SPTAN1: variants seen among roughly 807,000 people sequenced by gnomAD.
The protein encoded by SPTAN1 is spectrin alpha, non-erythrocytic 1.
In SPTAN1, 61 loss-of-function variants were observed where a neutral mutation model predicts 331.3. The observed-to-expected ratio is 0.18, with a 90% CI of 0.15 to 0.23. The LOEUF is 0.23. Among genes scored for constraint, SPTAN1 ranks in the 10% least tolerant of loss-of-function variants. The probability of loss-of-function intolerance (pLI) is 1.00; values close to 1 mark genes in which losing one functional copy is unlikely to be tolerated. For synonymous variants in SPTAN1, 1,153 were observed against 1,173.9 expected, an observed-to-expected ratio of 0.98 and a Z score of 0.36; for missense variants, 2,043 against 3,147.9, an observed-to-expected ratio of 0.65 and a Z score of 8.40.
rs1851087243 is a variant in SPTAN1 at position 128,574,566 on chromosome 9, T to C, written c.364-109T>C. 8 of 1,285,796 alleles carry C rather than the reference T, an allele frequency of 6.2e-6. 1 individual carries two copies. The East Asian group carries it at 1.7e-4, about 27-fold the overall frequency. The allele number at this position is 1,285,796 out of a possible 1,614,324, so 79.6% of individuals were successfully genotyped here. A position where few individuals can be genotyped will look rare whatever the true frequency, so the allele number is the denominator to read the frequency against. ...GTTTAGGGATTATCTTTTAAAAATA[T>C]TTTTATTCAGCGCTCCATAAGGTCT... On this transcript the variant is annotated intron_variant, in intron 3 of 56. Coordinates refer to ENST00000372739, the MANE Select transcript of SPTAN1 (RefSeq NM_001130438.3).
intron 44 of SPTAN1, among the ~76,000 whole-genome samples, chr9:128,619,725 G>C (rs1348191097): frequency 6.6e-6 from 1 of 152,220 alleles, no homozygotes; most frequent in Non-Finnish European, 1.5e-5. Context: ...CCAGAAGTTA[G>C]GACTTCACCA....
chr9:128,586,082 T>A, intron 19 of SPTAN1, 117 bp downstream of exon 19: 7 of 861,288 alleles, frequency 8.1e-6, no homozygotes, highest in Non-Finnish European at 1.1e-5. Flanking sequence ...GATTGTTTTT[T>A]AAAATGTTTT....
chr9:128,580,819 A>G (rs1851850908), intron 10 of SPTAN1, 103 bp from the exon 11 acceptor site: 1 of 1,551,900 alleles, frequency 6.4e-7, no homozygotes, highest in African/African-American at 1.4e-5. Flanking sequence ...AAAAGGCCTG[A>G]AGATTAGCAC....
intron 41 of SPTAN1, among the ~76,000 whole-genome samples, chr9:128,616,507 C>G (rs983932513): frequency 2.0e-5 from 3 of 151,338 alleles, no homozygotes; most frequent in African/African-American, 7.3e-5. Flanking sequence ...TGGCTCACGC[C>G]TGTGATCACA....
At chr9:128,560,201 A>G (rs1009428409) in intron 1 of SPTAN1, among the ~76,000 whole-genome samples, 1 of 149,822 alleles carries the variant, frequency 6.7e-6, no homozygotes, top group South Asian at 2.1e-4. Flanking sequence ...CTCCTGCCTC[A>G]GCCTCCCAAG....
chr9:128,595,131 A>G (rs898338983), intron 24 of SPTAN1, among the ~76,000 whole-genome samples: 5 of 151,302 alleles, frequency 3.3e-5, no homozygotes, highest in African/African-American at 4.9e-5. Context: ...TTTGTTCAAG[A>G]CAGAGTCTCA....
Position 128,625,599 on chromosome 9 carries a change from C to T in SPTAN1, c.6070-170C>T, listed in dbSNP as rs141135038. Reference sequence around the variant, plus strand: ...GGGAGGAGGCTGCCGCAGTGATCTGCGGTCTGAAGGAGAGCAGGAAAGGGG... The same window carrying T: ...GGGAGGAGGCTGCCGCAGTGATCTGTGGTCTGAAGGAGAGCAGGAAAGGGG... On this transcript the variant is annotated intron_variant, in intron 47 of 56. Coordinates refer to ENST00000372739, the MANE Select transcript of SPTAN1 (RefSeq NM_001130438.3). The surrounding 1 kb of genome is among the most constrained non-coding windows in gnomAD (Gnocchi z 4.1). Among the ~76,000 whole-genome samples the T allele has an allele frequency of 2.7e-3, 410 of 152,138 alleles. 9 individuals carry two copies. In the East Asian group the frequency reaches 0.04, roughly 15 times the overall value.
Position 128,633,359 on chromosome 9 carries a change from T to C in SPTAN1, c.*25T>C, listed in dbSNP as rs1167457875. The C allele has an allele frequency of 3.7e-6, 6 of 1,613,398 alleles. No individual in the cohort carries two copies. The African/African-American group carries it at 8.0e-5, about 22-fold the overall frequency. ...AGCCACTCCCTGGGTCACCCACCCCTCGCTGCTTGCCCTGCGTCGCCTTGC... is the reference window on the plus strand; with the variant it reads ...AGCCACTCCCTGGGTCACCCACCCCCCGCTGCTTGCCCTGCGTCGCCTTGC... On this transcript the variant is annotated 3_prime_UTR_variant, in exon 57 of 57. Transcript: ENST00000372739.
At chr9:128,594,804 C>CTTTTTTTTTTTTTTTTTTTATT (rs10594067) in intron 24 of SPTAN1, among the ~76,000 whole-genome samples, 5 of 90,562 alleles carry the variant, frequency 5.5e-5, no homozygotes, top group African/African-American at 1.2e-4. Flanking sequence ...ATGTATGTAG[C>CTTTTTTTTTTTTTTTTTTTATT]TTTTTTTTTT....
At chr9:128,630,070 A>G (rs570634710) in intron 51 of SPTAN1, 3 of 668,106 alleles carry the variant, frequency 4.5e-6, no homozygotes, top group Non-Finnish European at 8.3e-6. Flanking sequence ...TGGCCTTGGG[A>G]GCAAGACGAG....
rs1482811658 is a variant in SPTAN1 at position 128,629,637 on chromosome 9, G to A, written c.6708-684G>A. Reference sequence around the variant, plus strand: ...GGTAGCCTCTGTGACCTGGCACTGTGTTCTCTTGGGAAGGAGGCTCCCCAG... The same window carrying A: ...GGTAGCCTCTGTGACCTGGCACTGTATTCTCTTGGGAAGGAGGCTCCCCAG... On this transcript the variant is annotated intron_variant, in intron 51 of 56. Coordinates refer to ENST00000372739, the MANE Select transcript of SPTAN1 (RefSeq NM_001130438.3). The surrounding 1 kb of genome is among the most constrained non-coding windows in gnomAD (Gnocchi z 4.9). The A allele has an allele frequency of 5.9e-6, 1 of 168,982 alleles. No individual in the cohort carries two copies. Among genetic ancestry groups the A allele is most frequent in the Non-Finnish European group, 1.3e-5 (1 of 77,686 alleles). 10.5% of individuals were successfully genotyped at this position (168,982 alleles called of 1,614,324 possible).
At chr9:128,564,677 G>C (rs1327023557) in intron 1 of SPTAN1, among the ~76,000 whole-genome samples, 1 of 152,180 alleles carries the variant, frequency 6.6e-6, no homozygotes, top group African/African-American at 2.4e-5. Context: ...CAAATCTATA[G>C]AGAAGTGTGA....
In SPTAN1 at chr9:128,605,344, G is replaced by A. The variant is rs779682224; in HGVS notation, c.3913G>A (p.Glu1305Lys). ...TAERLIQSHP[E>K]SAEDLQEKCT... ...AGAGCGCCTGATCCAGTCCCATCCC[G>A]AGTCAGCAGAAGACCTGCAGGAAAA... Residue 1305 changes from glutamate to lysine, a missense_variant, in exon 31 of 57, where the codon GAG becomes AAG. By Grantham distance (56) the Glu-to-Lys change is moderately conservative. Transcript: ENST00000372739. The A allele has an allele frequency of 6.2e-7, 1 of 1,614,200 alleles. No homozygotes were observed. Among genetic ancestry groups the A allele is most frequent in the Non-Finnish European group, 8.5e-7 (1 of 1,180,044 alleles).
At chr9:128,599,804 G>C in intron 26 of SPTAN1, 1 of 492,916 alleles carries the variant, frequency 2.0e-6, no homozygotes, top group Non-Finnish European at 3.6e-6. Context: ...CAACATAAAA[G>C]TTGGTGGTTT....
At position 128,632,145 on chromosome 9, in the gene SPTAN1, C is replaced by G; in HGVS notation, c.6781C>G (p.Arg2261Gly). Residue 2261 changes from arginine to glycine, a missense_variant, in exon 53 of 57, where the codon CGA becomes GGA. By Grantham distance (125) the Arg-to-Gly change is moderately radical. Transcript: ENST00000372739. ...CCTGCAGCGCAAGCACCAGGAAATC[C>G]GAGCCATGAGAAGTCAGCTCAAAAA... ...EATKRKHQEI[R>G]AMRSQLKKIE... is the part of the protein sequence containing the mutation. 2 of 1,613,130 alleles carry G rather than the reference C, an allele frequency of 1.2e-6. No individual in the cohort carries two copies. Among genetic ancestry groups the G allele is most frequent in the Non-Finnish European group, 1.7e-6 (2 of 1,179,988 alleles).
In SPTAN1 at chr9:128,582,640, G is replaced by T. The variant is rs187383340; in HGVS notation, c.1651-54G>T. ...TGTTCCAGTTAAGTCTCTTCAACTG[G>T]ATATCCCTTTGGGAGTGAACACTAG... On this transcript the variant is annotated intron_variant, in intron 13 of 56. Transcript: ENST00000372739. The T allele has an allele frequency of 4.6e-5, 74 of 1,611,072 alleles. No homozygotes were observed. The African/African-American group carries it at 9.1e-4, about 20-fold the overall frequency.
At position 128,632,217 on chromosome 9, in the gene SPTAN1, A is replaced by C. The variant is rs1284260076; in HGVS notation, c.6853A>C (p.Asn2285His). Residue 2285 changes from asparagine (N) to histidine (H), a missense_variant, in exon 53 of 57, where the codon AAC becomes CAC. Physicochemically the swap from Asn to His is moderately conservative, Grantham distance 68. Coordinates refer to ENST00000372739, the MANE Select transcript of SPTAN1 (RefSeq NM_001130438.3). Reference protein sequence around the residue: ...AAMEEALILDNKYTEHSTVGL... With the variant: ...AAMEEALILDHKYTEHSTVGL... ...CATGGAGGAGGCCCTCATCCTGGAC[A>C]ACAAGTACACGGAGCACAGCACCGT... The C allele has an allele frequency of 6.2e-7, 1 of 1,613,436 alleles. No homozygotes were observed. The highest frequency in any genetic ancestry group is 1.7e-5 in the Admixed American group (1 of 60,000).
rs1225867694 is a variant in SPTAN1 at position 128,625,722 on chromosome 9, C to G, written c.6070-47C>G. The G allele has an allele frequency of 1.3e-6, 2 of 1,583,942 alleles. No homozygotes were observed. The highest frequency in any genetic ancestry group is 2.2e-5 in the East Asian group (1 of 44,738). On this transcript the variant is annotated intron_variant, in intron 47 of 56. Coordinates refer to ENST00000372739, the MANE Select transcript of SPTAN1 (RefSeq NM_001130438.3). This position sits in a 1 kb window ranked among gnomAD's most constrained non-coding sequence, Gnocchi z 4.1. Reference sequence around the variant, plus strand: ...CATCTGAGCCTAGGAAGAGCAAGTTCCAGTCCTGTGGAGTCACCACAAATT... The same window carrying G: ...CATCTGAGCCTAGGAAGAGCAAGTTGCAGTCCTGTGGAGTCACCACAAATT...
chr9:128,566,874 G>A lies in SPTAN1; in HGVS notation c.134G>A (p.Arg45Gln), dbSNP rs760552878. Residue 45 changes from arginine (R) to glutamine (Q), a missense_variant, in exon 2 of 57, where the codon CGA (arginine) becomes CAA (glutamine). Arg to Gln is a conservative substitution (Grantham distance 43). Around this residue, in one of 12 missense-constraint regions of SPTAN1, gnomAD observed 1,038 missense variants for 1,531.5 expected, o/e 0.68. Transcript: ENST00000372739. ...CGTCAGAAGCTGGAAGATTCCTATCGATTCCAGTTCTTTCAAAGAGATGCT... is the reference window on the plus strand; with the variant it reads ...CGTCAGAAGCTGGAAGATTCCTATCAATTCCAGTTCTTTCAAAGAGATGCT... Reference protein sequence around the residue: ...LRRQKLEDSYRFQFFQRDAEE... With the variant: ...LRRQKLEDSYQFQFFQRDAEE... The A allele has an allele frequency of 2.4e-5, 39 of 1,614,072 alleles. No homozygotes were observed. The highest frequency in any genetic ancestry group is 2.9e-5 in the Non-Finnish European group (34 of 1,180,044).
Sources: allele counts gnomAD v4.1 joint callset (sites outside exome capture counted in the v4.1 genomes callset), GRCh38; gene constraint gnomAD v4.1.1; regional missense constraint gnomAD v4.1.1; non-coding constraint Gnocchi (gnomAD v3.1); transcripts MANE v1.5; gene names NCBI Gene and HGNC (gene_info 2026-07-23, HGNC 2026-07-21).